Variants in RANGAP1 observed in about 807,000 individuals in gnomAD.
RANGAP1 encodes the protein Ran GTPase activating protein 1, also known as ran GTPase-activating protein 1.
In RANGAP1, 38 loss-of-function variants were observed where a neutral mutation model predicts 63.5. The observed-to-expected ratio is 0.60, with a 90% confidence interval of 0.46 to 0.78. The LOEUF (loss-of-function observed/expected upper bound fraction) is 0.78. Among genes scored for constraint, RANGAP1 ranks in the 30% least tolerant of loss-of-function variants. The probability of loss-of-function intolerance (pLI) is 0.00; values close to 1 mark genes in which losing one functional copy is unlikely to be tolerated. For synonymous variants in RANGAP1, 329 were observed against 310.5 expected (o/e 1.06, Z -0.63); for missense variants, 630 against 740.3 (o/e 0.85, Z 1.73).
At chr22:41,277,571 T>C in intron 2 of RANGAP1, 1 of 1,094,668 alleles carries the variant, frequency 9.1e-7, no homozygotes, top group Non-Finnish European at 1.2e-6. Context: ...AAGTTTGAAC[T>C]TGACCTTCTG....
chr22:41,258,049 T>C lies in RANGAP1; in HGVS notation c.673A>G (p.Ile225Val), dbSNP rs140651031. ...GCGAAAGCCTGGGCCAGGGCAGTGATGCCAGGGTGGTTGATCCCATTCTGT... is the reference window on the plus strand; with the variant it reads ...GCGAAAGCCTGGGCCAGGGCAGTGACGCCAGGGTGGTTGATCCCATTCTGT... ...MPQNGINHPG[I>V]TALAQAFAVN... The change falls in exon 7 of 16, where the codon ATC becomes GTC. Residue 225 changes from isoleucine (I) to valine (V), a missense_variant. Ile to Val is a conservative substitution (Grantham distance 29). This residue lies in a region of RANGAP1 where 428 missense variants were observed against 465.5 expected (regional missense o/e 0.92). Transcript: ENST00000356244. 2.7e-5 allele frequency: 43 copies of C among 1,613,622 alleles called. No homozygotes were observed. The highest frequency in any genetic ancestry group is 3.5e-5 in the Non-Finnish European group (41 of 1,179,682).
chr22:41,278,037 A>AG (rs1431462221), intron 2 of RANGAP1, among the ~76,000 whole-genome samples: 5 of 127,198 alleles, frequency 3.9e-5, no homozygotes, highest in Non-Finnish European at 6.6e-5. Context: ...GCCAAACTTG[A>AG]GTTTTTTTTT....
At chr22:41,295,028 G>C in the RANGAP1 span, among the ~76,000 whole-genome samples, 53 of 144,610 alleles carry the variant, frequency 3.7e-4, no homozygotes, top group Non-Finnish European at 7.2e-4. Context: ...AGGGAGGTGG[G>C]GGGGTCAGTC....
At chr22:41,255,085 G>T (rs934451036) in intron 10 of RANGAP1, among the ~76,000 whole-genome samples, 2 of 152,010 alleles carry the variant, frequency 1.3e-5, no homozygotes, top group African/African-American at 4.8e-5. Flanking sequence ...CACACCTAGA[G>T]CCCAGGGCTT....
At chr22:41,270,448 T>C (rs1265842859) in intron 3 of RANGAP1, among the ~76,000 whole-genome samples, 1 of 152,010 alleles carries the variant, frequency 6.6e-6, no homozygotes, top group African/African-American at 2.4e-5. Context: ...TGCCCAGCCC[T>C]CCCTTATTTT....
Position 41,249,768 on chromosome 22 carries a change from G to T in RANGAP1, c.1533C>A (p.Thr511=). The part of the protein sequence containing the change: ...AFNSSSFNSN[T]FLTRLLVHMG... ...TGTGCACGAGCAGCCTGGTGAGGAA[G>T]GTGTTGGAGTTGAAGGACGAGGAGT... The change falls in exon 14 of 16, where the codon ACC becomes ACA. Residue 511 remains threonine (T), a synonymous_variant. Transcript: ENST00000356244. 1 of 1,614,146 alleles carries T rather than the reference G, an allele frequency of 6.2e-7. No individual in the cohort carries two copies. The highest frequency in any genetic ancestry group is 8.5e-7 in the Non-Finnish European group (1 of 1,179,966).
rs377114897 is a variant in RANGAP1, at chr22:41,256,803, C to A, written c.796G>T (p.Val266Leu). The change falls in exon 8 of 16, where the codon GTG (valine) becomes TTG (leucine). Residue 266 changes from valine (V) to leucine (L), a missense_variant. By Grantham distance (32) the Val-to-Leu change is conservative. Coordinates refer to ENST00000356244, the MANE Select transcript of RANGAP1 (RefSeq NM_002883.4). ...CAGTCCCCAAAATTAATCACCTCCA[C>A]CTGCCGCAAGGTCTTCAAGGTCTGT... ...MAETLKTLRQ[V>L]EVINFGDCLV... is the part of the protein sequence containing the mutation. The A allele has an allele frequency of 3.1e-6, 5 of 1,614,032 alleles. No individual in the cohort carries two copies. The highest frequency in any genetic ancestry group is 4.2e-6 in the Non-Finnish European group (5 of 1,180,022).
At chr22:41,258,341 G>A (rs766997274) in intron 6 of RANGAP1, among the ~76,000 whole-genome samples, 18 of 152,354 alleles carry the variant, frequency 1.2e-4, no homozygotes, top group African/African-American at 3.4e-4. Context: ...TCAAAGAGGC[G>A]AAGTGACTTG....
chr22:41,261,358 A>T, intron 6 of RANGAP1, 88 bp downstream of exon 6: 1 of 1,571,768 alleles, frequency 6.4e-7, no homozygotes, highest in Non-Finnish European at 8.6e-7. Context: ...GTTGAGTGCC[A>T]GCCCTGGGAT....
At chr22:41,281,344 G>C in intron 1 of RANGAP1, 1 of 902,714 alleles carries the variant, frequency 1.1e-6, no homozygotes, top group Non-Finnish European at 1.4e-6. Context: ...CTGCTAAACT[G>C]CCGCAGCTGG....
chr22:41,261,676 C>T (rs1325282784), intron 5 of RANGAP1, 96 bp from the exon 6 acceptor site: 3 of 1,499,350 alleles, frequency 2.0e-6, no homozygotes, highest in Non-Finnish European at 2.7e-6. Flanking sequence ...CATCCCACGC[C>T]ACCCATCGGT....
intron 4 of RANGAP1, 94 bp from the exon 5 acceptor site, chr22:41,264,937 A>T: frequency 4.5e-6 from 6 of 1,323,018 alleles, no homozygotes; most frequent in Non-Finnish European, 6.3e-6. Context: ...CCTTCCAAGG[A>T]CACCCCGGCT....
chr22:41,277,995 TA>T (rs1337905365), intron 2 of RANGAP1, among the ~76,000 whole-genome samples: 2 of 149,934 alleles, frequency 1.3e-5, no homozygotes, highest in African/African-American at 4.9e-5. Context: ...GCTGGGAGAG[TA>T]AAGAAGTTAA....
chr22:41,245,089 A>C lies in RANGAP1; in HGVS notation c.*1514T>G, dbSNP rs1171789743. ...CATCAGAACTTAATGCCAGCCCCAC[A>C]CCCACCCCCTACCGTATCAACTCAC... is the stretch of plus-strand genomic sequence containing the variant. On this transcript the variant is annotated 3_prime_UTR_variant, in exon 16 of 16. Coordinates refer to ENST00000356244, the MANE Select transcript of RANGAP1 (RefSeq NM_002883.4). Among the ~76,000 whole-genome samples the C allele has an allele frequency of 2.0e-5, 3 of 152,186 alleles. No homozygotes were observed. Among genetic ancestry groups the C allele is most frequent in the East Asian group, 1.9e-4 (1 of 5,198 alleles).
intron 4 of RANGAP1, among the ~76,000 whole-genome samples, chr22:41,265,621 CA>C (rs1233857543): frequency 1.3e-5 from 2 of 152,178 alleles, no homozygotes; most frequent in Admixed American, 1.3e-4. Flanking sequence ...AAGCCACGGC[CA>C]GGATCAGCTT....
chr22:41,246,783 G>T (rs2033065372), intron 15 of RANGAP1, 111 bp from the exon 16 acceptor site: 2 of 1,034,522 alleles, frequency 1.9e-6, no homozygotes, highest in South Asian at 1.4e-5. Context: ...CAACGACTCA[G>T]CAAGAGAGAC....
chr22:41,286,208 G>A (rs2035744385), upstream of RANGAP1: 1 of 152,372 alleles, frequency 6.6e-6, no homozygotes. Context: ...GGAGGAGGAG[G>A]ATTTTGAAAG....
chr22:41,246,073 G>A lies in RANGAP1; in HGVS notation c.*530C>T. 6.3e-6 allele frequency: 1 copy of A among 157,628 alleles called. No individual in the cohort carries two copies. Among genetic ancestry groups the A allele is most frequent in the Non-Finnish European group, 1.4e-5 (1 of 71,354 alleles). The allele number at this position is 157,628 out of a possible 1,614,324, so 9.8% of individuals were successfully genotyped here. On this transcript the variant is annotated 3_prime_UTR_variant, in exon 16 of 16. Transcript: ENST00000356244. The stretch of plus-strand genomic sequence containing the variant: ...CATTCTCTGCTCTTCAGGCTGAGCG[G>A]TCAGCACAGTGGTATGGATGGTAGG...
intron 1 of RANGAP1, among the ~76,000 whole-genome samples, chr22:41,283,494 CA>C (rs1363021392): frequency 1.3e-5 from 2 of 151,954 alleles, no homozygotes; most frequent in Admixed American, 6.6e-5. Context: ...GGCGACAGAG[CA>C]AGACTCCAAC....
Sources: allele counts gnomAD v4.1 joint callset (sites outside exome capture counted in the v4.1 genomes callset), GRCh38; gene constraint gnomAD v4.1.1; regional missense constraint gnomAD v4.1.1; transcripts MANE v1.5; gene names NCBI Gene and HGNC (gene_info 2026-07-23, HGNC 2026-07-21).